The following ARSF variants were observed in gnomAD, a reference collection of about 807,000 sequenced individuals.
ARSF encodes the protein arylsulfatase F.
In ARSF, 33 loss-of-function variants were observed where a neutral mutation model predicts 35.4. The observed-to-expected ratio is 0.93, with a 90% CI of 0.71 to 1.25. The LOEUF is 1.25. Ranked by LOEUF, ARSF falls within the 50% of genes most tolerant of loss-of-function variation. The pLI is 0.00. For synonymous variants in ARSF, 222 were observed against 193.1 expected (o/e 1.15, Z -1.24); for missense variants, 501 against 480.2 (o/e 1.04, Z -0.40).
chrX:3,082,237 G>C (rs1265369131), intron 5 of ARSF, among the ~76,000 whole-genome samples: 1 of 111,676 alleles, frequency 9.0e-6, no homozygotes, highest in Non-Finnish European at 1.9e-5. Context: ...GTTTTAATGA[G>C]AGCCCCTAGG....
At chrX:3,080,142 T>C (rs1429662893) in intron 4 of ARSF, among the ~76,000 whole-genome samples, 1 of 110,765 alleles carries the variant, frequency 9.0e-6, no homozygotes, top group Non-Finnish European at 1.9e-5. Context: ...TCAACCCTAC[T>C]GCCAGTCTGC....
Position 3,057,217 on chromosome X carries a change from AAGTT to A in ARSF, c.-28-10855_-28-10852del, listed in dbSNP as rs201129737. ...ATTTATATTAATGAGAAGCAAAAAA[AAGTT>A]TGTTTGTTTTGCTTTGCTTCAGCAA... On this transcript the variant is annotated intron_variant, in intron 1 of 10. Coordinates refer to ENST00000381127, the MANE Select transcript of ARSF (RefSeq NM_001201539.2). Among the ~76,000 whole-genome samples the A allele has an allele frequency of 9.3e-3, 1,046 of 112,180 alleles. 16 individuals carry two copies. The highest frequency in any genetic ancestry group is 0.032 in the African/African-American group (992 of 30,900).
chrX:3,084,395 A>G lies in ARSF; in HGVS notation c.559A>G (p.Ser187Gly). ...PSRNTELAFE[S>G]QLWLCVQLVA... ...TCGTAACACGGAATTAGCCTTTGAG[A>G]GTCAGCTCTGGCTCTGTGTGCAGCT... Residue 187 changes from serine (S) to glycine (G), a missense_variant, in exon 6 of 11, where the codon AGT becomes GGT. Coordinates refer to ENST00000381127, the MANE Select transcript of ARSF (RefSeq NM_001201539.2). 1.7e-6 allele frequency: 2 copies of G among 1,211,730 alleles called. No homozygotes were observed. The highest frequency in any genetic ancestry group is 1.8e-5 in the South Asian group (1 of 56,984).
In ARSF at chrX:3,043,354, A is replaced by T. The variant is rs183489021; in HGVS notation, c.-29+1691A>T. Among the ~76,000 whole-genome samples the T allele has an allele frequency of 3.6e-5, 4 of 112,273 alleles. No individual in the cohort carries two copies. The East Asian group carries it at 1.1e-3, about 31-fold the overall frequency. On this transcript the variant is annotated intron_variant, in intron 1 of 10. Coordinates refer to ENST00000381127, the MANE Select transcript of ARSF (RefSeq NM_001201539.2). ...AAGGAATTCAAAAAAATTTTTATGT[A>T]ATTAAGTTTGCTATAACTAAAAGGA...
intron 10 of ARSF, 76 bp from the exon 11 acceptor site, chrX:3,112,098 T>C: frequency 1.1e-6 from 1 of 934,758 alleles, no homozygotes; most frequent in Non-Finnish European, 1.5e-6. Context: ...GGACCCCTGC[T>C]ATAGAACACT....
chrX:3,064,331 A>G (rs1375014018), intron 1 of ARSF, among the ~76,000 whole-genome samples: 1 of 112,255 alleles, frequency 8.9e-6, no homozygotes, highest in Admixed American at 9.5e-5. Flanking sequence ...TACATGTTAG[A>G]CCTAAACCAT....
intron 7 of ARSF, among the ~76,000 whole-genome samples, chrX:3,092,378 A>G (rs927431086): frequency 8.9e-6 from 1 of 111,949 alleles, no homozygotes; most frequent in African/African-American, 3.2e-5. Context: ...ATTCAAACTC[A>G]GGCTGTGATA....
At chrX:3,057,958 A>G (rs1447382385) in intron 1 of ARSF, among the ~76,000 whole-genome samples, 1 of 111,832 alleles carries the variant, frequency 8.9e-6, no homozygotes, top group African/African-American at 3.2e-5. Flanking sequence ...CAACCACTCA[A>G]TGGACAGCAG....
chrX:3,077,327 C>CT (rs1383772818), intron 4 of ARSF, among the ~76,000 whole-genome samples: 38 of 110,979 alleles, frequency 3.4e-4, no homozygotes, highest in African/African-American at 8.2e-4. Context: ...CAAAAAATAT[C>CT]TTTTTTTTTC....
At position 3,084,286 on chromosome X, in the gene ARSF, G is replaced by C; in HGVS notation, c.450G>C (p.Gln150His). ...QGLNCDSRSD[Q>H]CHHPYNYGFD... ...TGAACTGCGACTCCCGAAGTGACCA[G>C]TGCCACCATCCATATAATTATGGGT... Residue 150 changes from glutamine to histidine, a missense_variant, in exon 6 of 11, where the codon CAG becomes CAC. Gln to His is a conservative substitution (Grantham distance 24). Transcript: ENST00000381127. The C allele has an allele frequency of 8.3e-7, 1 of 1,211,797 alleles. No individual in the cohort carries two copies. Among genetic ancestry groups the C allele is most frequent in the Non-Finnish European group, 1.1e-6 (1 of 895,560 alleles).
chrX:3,104,245 A>G (rs1173855179), intron 9 of ARSF, among the ~76,000 whole-genome samples: 1 of 109,805 alleles, frequency 9.1e-6, no homozygotes, highest in Non-Finnish European at 1.9e-5. Flanking sequence ...GGTCATCACT[A>G]TTCTACTTTC....
At chrX:3,068,170 A>G in intron 2 of ARSF, 59 bp downstream of exon 2, 1 of 1,093,603 alleles carries the variant, frequency 9.1e-7, no homozygotes, top group Non-Finnish European at 1.2e-6. Context: ...AATTCTGTGT[A>G]TTTGTGAATC....
At chrX:3,044,069 G>T (rs2147470569) in intron 1 of ARSF, among the ~76,000 whole-genome samples, 1 of 111,587 alleles carries the variant, frequency 9.0e-6, no homozygotes, top group African/African-American at 3.3e-5. Context: ...TTACAGGCGT[G>T]TGGCACCATG....
At chrX:3,055,873 A>G (rs1224074193) in intron 1 of ARSF, among the ~76,000 whole-genome samples, 5 of 110,824 alleles carry the variant, frequency 4.5e-5, no homozygotes, top group East Asian at 2.8e-4. Flanking sequence ...TGCTCCCTCA[A>G]TTACCTCCCT....
At chrX:3,110,325 T>C (rs1277173797) in intron 10 of ARSF, 73 bp downstream of exon 10, 1 of 987,146 alleles carries the variant, frequency 1.0e-6, no homozygotes, top group Non-Finnish European at 1.3e-6. Flanking sequence ...GAACGCATTC[T>C]TCCTTTCCTC....
intron 7 of ARSF, among the ~76,000 whole-genome samples, chrX:3,092,893 C>T (rs909292757): frequency 8.9e-6 from 1 of 112,221 alleles, no homozygotes; most frequent in Non-Finnish European, 1.9e-5. Flanking sequence ...TCATAGGTGG[C>T]CGGGCGCGGT....
rs140570184 is a variant in ARSF at position 3,092,971 on chromosome X, A to G, written c.967+3339A>G. Among the ~76,000 whole-genome samples the G allele has an allele frequency of 8.0e-4, 89 of 111,762 alleles. No individual in the cohort carries two copies. In the East Asian group the frequency reaches 0.016, roughly 20 times the overall value. On this transcript the variant is annotated intron_variant, in intron 7 of 10. Transcript: ENST00000381127. ...GTGGATAACGAGTTCAGGCAATCAA[A>G]ACCATCCTGGTTAACACTGTGAAAC...
At position 3,112,537 on chromosome X, in the gene ARSF, G is replaced by C. The variant is rs2090454263; in HGVS notation, c.1754G>C (p.Gly585Ala). 3 of 1,201,932 alleles carry C rather than the reference G, an allele frequency of 2.5e-6. No individual in the cohort carries two copies. Among genetic ancestry groups the C allele is most frequent in the South Asian group, 3.6e-5 (2 of 55,892 alleles). ...GAAGAGGAAGTCTCTCAGCCTCGGG[G>C]TCCTAACGAGAAGAGATAATTACAA... ...DKEEEVSQPRGPNEKR is the reference protein window; with the variant it reads ...DKEEEVSQPRAPNEKR Residue 585 changes from glycine to alanine, a missense_variant, in exon 11 of 11, where the codon GGT becomes GCT. Physicochemically the swap from Gly to Ala is moderately conservative, Grantham distance 60. Transcript: ENST00000381127.
chrX:3,073,052 T>A (rs1281181038), intron 3 of ARSF, among the ~76,000 whole-genome samples: 1 of 100,212 alleles, frequency 1.0e-5, no homozygotes, highest in African/African-American at 3.6e-5. Flanking sequence ...AATATAAATA[T>A]ATTTAAATAA....
Sources: allele counts gnomAD v4.1 joint callset (sites outside exome capture counted in the v4.1 genomes callset), GRCh38; gene constraint gnomAD v4.1.1; transcripts MANE v1.5; gene names NCBI Gene and HGNC (gene_info 2026-07-23, HGNC 2026-07-21).